The following ACTN1 variants were observed in gnomAD, a reference collection of about 807,000 sequenced individuals.
ACTN1 encodes alpha-actinin-1.
A neutral mutation model predicts 119.6 loss-of-function variants in ACTN1; 30 were observed. That is an observed-to-expected ratio of 0.25 (90% CI 0.19 to 0.34). ACTN1 has a LOEUF of 0.34. Among genes scored for constraint, ACTN1 ranks in the 10% least tolerant of loss-of-function variants. The pLI, the probability that ACTN1 is intolerant of heterozygous loss-of-function variation, is 1.00. For missense variants in ACTN1, 764 were observed against 1,223.4 expected (o/e 0.62, Z 5.60); for synonymous variants, 429 against 472.6 (o/e 0.91, Z 1.20).
chr14:68,904,874 C>A, intron 6 of ACTN1, 138 bp from the exon 7 acceptor site: 1 of 647,036 alleles, frequency 1.5e-6, no homozygotes. Context: ...GGGGACAGCT[C>A]CAGATGTGGA....
chr14:68,975,664 A>T (rs568895891), intron 1 of ACTN1, among the ~76,000 whole-genome samples: 1 of 152,222 alleles, frequency 6.6e-6, no homozygotes, highest in South Asian at 2.1e-4. Flanking sequence ...AGGAAAAGTG[A>T]CTTCAGAGCC....
chr14:68,894,907 G>A (rs986717921), intron 8 of ACTN1, among the ~76,000 whole-genome samples: 32 of 152,134 alleles, frequency 2.1e-4, no homozygotes, highest in Admixed American at 1.9e-3. Context: ...GAGAATGAAC[G>A]TGCTTAGAAT....
intron 6 of ACTN1, among the ~76,000 whole-genome samples, chr14:68,905,509 T>C (rs563770207): frequency 2.6e-5 from 4 of 152,190 alleles, no homozygotes; most frequent in South Asian, 4.1e-4. Context: ...CCATTGTTCA[T>C]AGCAGCATTA....
Position 68,901,253 on chromosome 14 carries a change from T to TG in ACTN1, c.762+1223_762+1224insC, listed in dbSNP as rs1343962458. 8.9e-4 allele frequency among the ~76,000 whole-genome samples: 128 copies of TG among 144,498 alleles called. 3 individuals are homozygous for TG. The South Asian group carries it at 0.016, about 18-fold the overall frequency. 94.8% of individuals were successfully genotyped at this position (144,498 alleles called of 152,430 possible). On this transcript the variant is annotated intron_variant, in intron 8 of 21. Coordinates refer to ENST00000394419, the MANE Select transcript of ACTN1 (RefSeq NM_001130004.2). ...GTTTTGTTTTGTTTTTGTTTTGTTT[T>TG]TTTTTTTTTTTTGAGACAGAGTCTG...
intron 1 of ACTN1, among the ~76,000 whole-genome samples, chr14:68,938,463 T>TC (rs2035629170): frequency 6.6e-6 from 1 of 151,948 alleles, no homozygotes. Flanking sequence ...AGCCTCAGGA[T>TC]CCCTATCTGT....
intron 1 of ACTN1, among the ~76,000 whole-genome samples, chr14:68,944,628 TA>T (rs1218213817): frequency 6.6e-6 from 1 of 152,022 alleles, no homozygotes; most frequent in African/African-American, 2.4e-5. Context: ...CTGGAAGGCA[TA>T]AGGCTAAAAC....
At chr14:68,875,678 C>T (rs1390462925) in intron 21 of ACTN1, among the ~76,000 whole-genome samples, 1 of 152,204 alleles carries the variant, frequency 6.6e-6, no homozygotes, top group African/African-American at 2.4e-5. Flanking sequence ...ACAAGGTAGT[C>T]GCCCTGCACC....
intron 1 of ACTN1, among the ~76,000 whole-genome samples, chr14:68,965,739 G>A (rs1018452421): frequency 6.6e-6 from 1 of 152,194 alleles, no homozygotes; most frequent in African/African-American, 2.4e-5. Context: ...CAAGAGCACT[G>A]GCTTCTGGGT....
At chr14:68,913,365 G>A (rs114259419) in intron 3 of ACTN1, among the ~76,000 whole-genome samples, 1,792 of 152,222 alleles carry the variant, frequency 0.012, 37 homozygotes, top group African/African-American at 0.04. Flanking sequence ...GGTAAGACAC[G>A]CTCAGTTAAG....
In ACTN1 at chr14:68,878,405, C is replaced by G; in HGVS notation, c.2427+53G>C. The G allele has an allele frequency of 6.6e-7, 1 of 1,519,892 alleles. No homozygotes were observed. The highest frequency in any genetic ancestry group is 8.8e-7 in the Non-Finnish European group (1 of 1,136,092). The allele number at this position is 1,519,892 out of a possible 1,614,324, so 94.2% of individuals were successfully genotyped here. A position where few individuals can be genotyped will look rare whatever the true frequency, so the allele number is the denominator to read the frequency against. On this transcript the variant is annotated intron_variant, in intron 20 of 21. Coordinates refer to ENST00000394419, the MANE Select transcript of ACTN1 (RefSeq NM_001130004.2). This position sits in a 1 kb window ranked among gnomAD's most constrained non-coding sequence, Gnocchi z 4.4. The stretch of plus-strand genomic sequence containing the variant: ...GCCACTCCTGGGACTTGGCTGCTCC[C>G]GCCAGCTGGCTGCCTTCTCACCAGG...
intron 1 of ACTN1, among the ~76,000 whole-genome samples, chr14:68,926,412 G>C (rs1276323291): frequency 1.3e-5 from 2 of 152,222 alleles, no homozygotes; most frequent in Non-Finnish European, 2.9e-5. Context: ...ACCAGCTAGT[G>C]GCTCAAACAG....
intron 1 of ACTN1, among the ~76,000 whole-genome samples, chr14:68,972,448 T>C (rs1010069825): frequency 3.9e-5 from 6 of 152,186 alleles, no homozygotes; most frequent in Non-Finnish European, 8.8e-5. Flanking sequence ...TGACAGGCAA[T>C]TGTCATTTTC....
rs183903586 is a variant in ACTN1, at chr14:68,940,191, A to T, written c.106-14519T>A. ...GAGCACACAGGCCTCAGCAGGCTGT[A>T]GCTCCCAGCAGTGGCCAGCACATTC... On this transcript the variant is annotated intron_variant, in intron 1 of 21. Transcript: ENST00000394419. 3.3e-5 allele frequency among the ~76,000 whole-genome samples: 5 copies of T among 152,340 alleles called. No homozygotes were observed. The East Asian group carries it at 9.6e-4, about 29-fold the overall frequency.
intron 3 of ACTN1, among the ~76,000 whole-genome samples, chr14:68,912,777 A>G (rs2034082388): frequency 1.3e-5 from 2 of 152,186 alleles, no homozygotes; most frequent in Non-Finnish European, 2.9e-5. Flanking sequence ...AGTTGGAGAC[A>G]GTGGGTACAT....
chr14:68,975,627 G>C (rs2140713103), intron 1 of ACTN1, among the ~76,000 whole-genome samples: 1 of 152,288 alleles, frequency 6.6e-6, no homozygotes, highest in Middle Eastern at 3.4e-3. Context: ...GGGGGCTGCA[G>C]TCACCCTGAA....
intron 3 of ACTN1, among the ~76,000 whole-genome samples, chr14:68,916,358 GGT>G (rs1242248324): frequency 6.6e-6 from 1 of 152,168 alleles, no homozygotes; most frequent in Non-Finnish European, 1.5e-5. Flanking sequence ...GGGAGAGGCA[GGT>G]GGCTTCTTTT....
intron 2 of ACTN1, among the ~76,000 whole-genome samples, chr14:68,922,945 G>A (rs778398613): frequency 5.3e-5 from 8 of 152,260 alleles, no homozygotes; most frequent in East Asian, 1.9e-4. Flanking sequence ...CATCTCCAAC[G>A]ATGATCAGGA....
intron 14 of ACTN1, 33 bp downstream of exon 14, chr14:68,884,135 A>G: frequency 6.3e-7 from 1 of 1,594,302 alleles, no homozygotes; most frequent in Non-Finnish European, 8.6e-7. Flanking sequence ...GCCCCAGGGG[A>G]GCCAGCCTCC....
At position 68,961,584 on chromosome 14, in the gene ACTN1, C is replaced by T. The variant is rs147092924; in HGVS notation, c.105+17368G>A. ...CGGGGGCACGGGGGTGGGCTATAGG[C>T]CCTATGTGGATCCTGAGGGACCAGC... On this transcript the variant is annotated intron_variant, in intron 1 of 21. Coordinates refer to ENST00000394419, the MANE Select transcript of ACTN1 (RefSeq NM_001130004.2). Among the ~76,000 whole-genome samples the T allele has an allele frequency of 3.4e-3, 524 of 152,272 alleles. 1 individual carries two copies. Among genetic ancestry groups the T allele is most frequent in the African/African-American group, 8.0e-3 (334 of 41,554 alleles).
Sources: gnomAD v4.1 joint callset for allele counts (sites outside exome capture counted in the v4.1 genomes callset) on GRCh38, gnomAD v4.1.1 for gene constraint, Gnocchi (gnomAD v3.1) non-coding constraint, MANE v1.5 for transcripts, NCBI Gene and HGNC (gene_info 2026-07-23, HGNC 2026-07-21) for gene names.